Variants in CDH13 observed in about 807,000 individuals in gnomAD.
The protein encoded by CDH13 is cadherin 13.
In CDH13, 24 loss-of-function variants were observed where a neutral mutation model predicts 63.8. The ratio of observed to expected loss-of-function variants is 0.38; its 90% CI spans 0.27 to 0.53. The LOEUF (loss-of-function observed/expected upper bound fraction) is 0.53, where lower values mean the gene tolerates loss of function less well. CDH13 is among the 20% of genes least tolerant of loss of function. The pLI is 0.85. For synonymous variants in CDH13, 503 were observed against 355.3 expected, an observed-to-expected ratio of 1.42 and a Z score of -4.67; for missense variants, 1,049 against 903.1, an observed-to-expected ratio of 1.16 and a Z score of -2.07.
At chr16:82,973,661 G>T (rs72790201) in intron 2 of CDH13, among the ~76,000 whole-genome samples, 17,903 of 152,224 alleles carry the variant, frequency 0.12, 1,285 homozygotes, top group Middle Eastern at 0.17. Context: ...GGAGGCTGCA[G>T]CGGGTCAAGG....
chr16:82,921,364 T>G (rs2042148566), intron 2 of CDH13, among the ~76,000 whole-genome samples: 1 of 152,174 alleles, frequency 6.6e-6, no homozygotes, highest in Non-Finnish European at 1.5e-5. Flanking sequence ...ACTTTGATCC[T>G]CAAGGCCACT....
intron 1 of CDH13, among the ~76,000 whole-genome samples, chr16:82,639,618 C>A (rs567083230): frequency 7.2e-5 from 11 of 152,188 alleles, no homozygotes; most frequent in Non-Finnish European, 1.5e-4. Context: ...CAGTCTGTAG[C>A]TATATAGAGA....
chr16:83,731,196 A>G lies in CDH13; in HGVS notation c.1539-16912A>G, dbSNP rs145818637. ...TAAACACCCAGTAGTAGGATTGCTG[A>G]GTCAAATGGTAGTTCTGTTCTAAGT... is the stretch of plus-strand genomic sequence containing the variant. On this transcript the variant is annotated intron_variant, in intron 10 of 13. Coordinates refer to ENST00000567109, the MANE Select transcript of CDH13 (RefSeq NM_001257.5). Among the ~76,000 whole-genome samples, 47 of 152,342 alleles carry G rather than the reference A, an allele frequency of 3.1e-4. No individual in the cohort carries two copies. In the East Asian group the frequency reaches 7.9e-3, roughly 26 times the overall value.
intron 10 of CDH13, among the ~76,000 whole-genome samples, chr16:83,730,725 T>G (rs1446335059): frequency 6.6e-6 from 1 of 152,212 alleles, no homozygotes; most frequent in Non-Finnish European, 1.5e-5. Context: ...CTGGGTCTAT[T>G]GCGTGTTGCT....
chr16:83,249,257 G>C (rs1259170038), intron 5 of CDH13, among the ~76,000 whole-genome samples: 2 of 152,178 alleles, frequency 1.3e-5, no homozygotes, highest in Admixed American at 1.3e-4. Flanking sequence ...GCACGCTTGA[G>C]CCAGCTCATA....
chr16:83,663,145 A>G (rs1470476623), intron 8 of CDH13, among the ~76,000 whole-genome samples: 1 of 152,226 alleles, frequency 6.6e-6, no homozygotes, highest in East Asian at 1.9e-4. Context: ...CCCATTTTTC[A>G]TGAATCAACT....
intron 6 of CDH13, among the ~76,000 whole-genome samples, chr16:83,462,851 A>G (rs745735945): frequency 6.6e-6 from 1 of 152,104 alleles, no homozygotes; most frequent in Non-Finnish European, 1.5e-5. Flanking sequence ...CTTACTCATC[A>G]ATTTGTCCAA....
intron 6 of CDH13, among the ~76,000 whole-genome samples, chr16:83,470,241 A>G (rs2073420345): frequency 6.6e-6 from 1 of 152,024 alleles, no homozygotes; most frequent in Non-Finnish European, 1.5e-5. Context: ...CTTTTTTTAG[A>G]GAAAGGTGTC....
intron 3 of CDH13, among the ~76,000 whole-genome samples, chr16:83,081,144 A>G (rs1449117594): frequency 1.3e-5 from 2 of 151,910 alleles, no homozygotes; most frequent in South Asian, 2.1e-4. Context: ...GCCTCCCAAA[A>G]TGCTGGGATT....
At chr16:83,394,993 C>A (rs1402029347) in intron 6 of CDH13, among the ~76,000 whole-genome samples, 1 of 151,870 alleles carries the variant, frequency 6.6e-6, no homozygotes, top group Non-Finnish European at 1.5e-5. Flanking sequence ...ACTAAAAATG[C>A]AAAAATTTGC....
intron 13 of CDH13, among the ~76,000 whole-genome samples, chr16:83,792,824 T>C (rs1256702294): frequency 6.6e-6 from 1 of 152,258 alleles, no homozygotes; most frequent in Non-Finnish European, 1.5e-5. Context: ...TTCTTTCTAA[T>C]AGGCTTTTGC....
intron 10 of CDH13, among the ~76,000 whole-genome samples, chr16:83,712,144 C>G (rs1262627305): frequency 2.6e-5 from 4 of 152,204 alleles, no homozygotes; most frequent in Admixed American, 6.5e-5. Context: ...TTAAGACAAT[C>G]ATACTGTGAG....
intron 7 of CDH13, among the ~76,000 whole-genome samples, chr16:83,530,856 C>G (rs1291196099): frequency 6.6e-6 from 1 of 152,190 alleles, no homozygotes; most frequent in Non-Finnish European, 1.5e-5. Context: ...AGGAACCCAT[C>G]AGGCAGGCGG....
chr16:83,384,662 G>T (rs1328451035), intron 6 of CDH13, among the ~76,000 whole-genome samples: 2 of 152,244 alleles, frequency 1.3e-5, no homozygotes, highest in Non-Finnish European at 2.9e-5. Context: ...CCGAGGGTAT[G>T]GAGAGGGGAG....
At chr16:83,499,698 A>G (rs1463583540) in intron 7 of CDH13, among the ~76,000 whole-genome samples, 2 of 152,260 alleles carry the variant, frequency 1.3e-5, no homozygotes, top group Non-Finnish European at 2.9e-5. Context: ...AATACAGCAC[A>G]TGCTTAGGAG....
intron 1 of CDH13, among the ~76,000 whole-genome samples, chr16:82,711,310 C>A (rs558004568): frequency 6.6e-6 from 1 of 152,148 alleles, no homozygotes; most frequent in African/African-American, 2.4e-5. Context: ...GTCTTAGAAT[C>A]TCCAGTGATC....
At chr16:83,206,839 T>A (rs1471820039) in intron 4 of CDH13, among the ~76,000 whole-genome samples, 1 of 152,232 alleles carries the variant, frequency 6.6e-6, no homozygotes, top group African/African-American at 2.4e-5. Context: ...AGAGTATTTT[T>A]CTTTACAGAG....
intron 4 of CDH13, among the ~76,000 whole-genome samples, chr16:83,214,242 C>G (rs553405397): frequency 2.6e-4 from 39 of 152,040 alleles, no homozygotes; most frequent in African/African-American, 8.9e-4. Context: ...GGAGCTGTTT[C>G]CAGAGCACTT....
rs188883847 is a variant in CDH13 at position 82,815,101 on chromosome 16, C to T, written c.46-43261C>T. ...TTTCTTATCCATTATACCGTAGGCT[C>T]AGCTGAAAACATCGTTCATGACCCA... On this transcript the variant is annotated intron_variant, in intron 1 of 13. Coordinates refer to ENST00000567109, the MANE Select transcript of CDH13 (RefSeq NM_001257.5). Among the ~76,000 whole-genome samples, 386 of 152,112 alleles carry T rather than the reference C, an allele frequency of 2.5e-3. 4 individuals are homozygous for T. The highest frequency in any genetic ancestry group is 2.5e-3 in the Non-Finnish European group (172 of 68,002).
Sources: gnomAD v4.1 joint callset for allele counts (sites outside exome capture counted in the v4.1 genomes callset) on GRCh38, gnomAD v4.1.1 for gene constraint, MANE v1.5 for transcripts, NCBI Gene and HGNC (gene_info 2026-07-23, HGNC 2026-07-21) for gene names.